Variants in PBX1 observed in about 807,000 individuals in gnomAD.
PBX1 encodes the protein pre-B-cell leukemia transcription factor 1.
A neutral mutation model predicts 53.4 loss-of-function variants in PBX1; 6 were observed. The ratio of observed to expected loss-of-function variants is 0.11; its 90% CI spans 0.06 to 0.22. PBX1 has a LOEUF of 0.22. Among genes scored for constraint, PBX1 ranks in the 10% least tolerant of loss-of-function variants. The pLI is 1.00. For missense variants in PBX1, 251 were observed against 551.4 expected (o/e 0.46, Z 5.46); for synonymous variants, 204 against 212.3 (o/e 0.96, Z 0.34).
At chr1:164,588,044 G>A (rs1388193368) in intron 2 of PBX1, among the ~76,000 whole-genome samples, 1 of 152,194 alleles carries the variant, frequency 6.6e-6, no homozygotes, top group African/African-American at 2.4e-5. Flanking sequence ...AGAGTCTGGG[G>A]CAAAGACCAA....
intron 2 of PBX1, among the ~76,000 whole-genome samples, chr1:164,676,816 G>T (rs1182604163): frequency 6.6e-6 from 1 of 152,116 alleles, no homozygotes; most frequent in African/African-American, 2.4e-5. Flanking sequence ...GCCCTGAGGG[G>T]GCTCAGGTCT....
intron 2 of PBX1, among the ~76,000 whole-genome samples, chr1:164,616,713 A>G (rs1179785055): frequency 3.3e-5 from 5 of 152,212 alleles, no homozygotes; most frequent in East Asian, 1.9e-4. Flanking sequence ...TCCCAATGCT[A>G]ACTTCAGAGG....
intron 1 of PBX1, chr1:164,560,568 A>C: frequency 5.7e-6 from 1 of 176,236 alleles, no homozygotes. Context: ...CCTACCCAAA[A>C]TACAAAACAA....
At chr1:164,690,200 C>T (rs754537014) in intron 2 of PBX1, among the ~76,000 whole-genome samples, 3 of 152,148 alleles carry the variant, frequency 2.0e-5, no homozygotes, top group Non-Finnish European at 4.4e-5. Context: ...TTTTCATTAT[C>T]TCTGCCACAT....
At chr1:164,561,049 G>T (rs761019646) in intron 1 of PBX1, among the ~76,000 whole-genome samples, 1 of 152,096 alleles carries the variant, frequency 6.6e-6, no homozygotes, top group Admixed American at 6.6e-5. Context: ...GTGACAACCC[G>T]CTAACAGCTT....
intron 2 of PBX1, among the ~76,000 whole-genome samples, chr1:164,622,188 T>C (rs891604896): frequency 1.4e-4 from 21 of 152,134 alleles, no homozygotes; most frequent in African/African-American, 5.1e-4. Context: ...AGGCGTCTTG[T>C]TGGAAGGAGC....
intron 2 of PBX1, among the ~76,000 whole-genome samples, chr1:164,778,569 C>T (rs1045153237): frequency 4.7e-5 from 7 of 149,996 alleles, no homozygotes; most frequent in Non-Finnish European, 1.0e-4. Context: ...CGTGGGAGGT[C>T]GAGGCTGCAA....
chr1:164,658,166 CAAA>C lies in PBX1; in HGVS notation c.265+94868_265+94870del, dbSNP rs5778403. On this transcript the variant is annotated intron_variant, in intron 2 of 8. Coordinates refer to ENST00000420696, the MANE Select transcript of PBX1 (RefSeq NM_002585.4). ...TATTTCACAAATAATAAATGAGGTA[CAAA>C]AAAAAAAAAAAAGAAAGACTGGAAT... Among the ~76,000 whole-genome samples, 1,119 of 138,428 alleles carry C rather than the reference CAAA, an allele frequency of 8.1e-3. 14 individuals are homozygous for C. Among genetic ancestry groups the C allele is most frequent in the African/African-American group, 0.027 (1,002 of 37,748 alleles). The allele number at this position is 138,428 out of a possible 152,430, so 90.8% of individuals were successfully genotyped here.
chr1:164,860,152 G>T (rs1571538432), intron 2 of PBX1, among the ~76,000 whole-genome samples: 1 of 152,186 alleles, frequency 6.6e-6, no homozygotes, highest in Non-Finnish European at 1.5e-5. Context: ...ACACCCAGAA[G>T]CAGTGGTGAT....
At chr1:164,746,504 G>T (rs1665901275) in intron 2 of PBX1, among the ~76,000 whole-genome samples, 1 of 152,120 alleles carries the variant, frequency 6.6e-6, no homozygotes, top group South Asian at 2.1e-4. Flanking sequence ...AGCCTCTCGA[G>T]TAGCTGGGAT....
At chr1:164,871,089 G>C (rs138373978) in intron 2 of PBX1, among the ~76,000 whole-genome samples, 213 of 152,350 alleles carry the variant, frequency 1.4e-3, no homozygotes, top group African/African-American at 5.0e-3. Context: ...CAGAGGGGAA[G>C]GATCAGACAG....
intron 2 of PBX1, among the ~76,000 whole-genome samples, chr1:164,754,503 G>A (rs1666400633): frequency 6.6e-6 from 1 of 152,202 alleles, no homozygotes; most frequent in African/African-American, 2.4e-5. Flanking sequence ...AAGAGTGACT[G>A]GTTTGTTTCA....
chr1:164,883,988 A>T (rs1160017167), intron 2 of PBX1, among the ~76,000 whole-genome samples: 2 of 152,296 alleles, frequency 1.3e-5, no homozygotes, highest in East Asian at 3.9e-4. Context: ...GTGGAGGTAG[A>T]TAAACAAGGG....
At chr1:164,698,669 CCCAAAAGCCA>C (rs1253557671) in intron 2 of PBX1, among the ~76,000 whole-genome samples, 1 of 152,102 alleles carries the variant, frequency 6.6e-6, no homozygotes, top group African/African-American at 2.4e-5. Context: ...CATCAGAGCG[CCCAAAAGCCA>C]CCACTCAAGA....
chr1:164,773,676 C>G (rs1401316570), intron 2 of PBX1, among the ~76,000 whole-genome samples: 1 of 152,146 alleles, frequency 6.6e-6, no homozygotes, highest in African/African-American at 2.4e-5. Context: ...CTCAACCGTA[C>G]CCCACACTGC....
chr1:164,605,859 T>A (rs1390144380), intron 2 of PBX1, among the ~76,000 whole-genome samples: 1 of 152,188 alleles, frequency 6.6e-6, no homozygotes, highest in Admixed American at 6.5e-5. Flanking sequence ...TGATGGTGCC[T>A]CTTTGTGGAA....
chr1:164,740,750 G>A (rs898410980), intron 2 of PBX1, among the ~76,000 whole-genome samples: 6 of 152,132 alleles, frequency 3.9e-5, no homozygotes, highest in Non-Finnish European at 8.8e-5. Flanking sequence ...CTTGCAGTTG[G>A]TGTAGAAGAC....
chr1:164,703,822 C>G (rs1663271480), intron 2 of PBX1, among the ~76,000 whole-genome samples: 1 of 152,198 alleles, frequency 6.6e-6, no homozygotes, highest in South Asian at 2.1e-4. Context: ...AGTCCCTTCT[C>G]CACACATCCA....
chr1:164,796,526 T>C (rs920003874), intron 3 of PBX1, among the ~76,000 whole-genome samples: 2 of 152,164 alleles, frequency 1.3e-5, no homozygotes, highest in Admixed American at 6.5e-5. Context: ...AGCCCTAAGA[T>C]CCCAGTTACT....
Sources: gnomAD v4.1 joint callset for allele counts (sites outside exome capture counted in the v4.1 genomes callset) on GRCh38, gnomAD v4.1.1 for gene constraint, MANE v1.5 for transcripts, NCBI Gene and HGNC (gene_info 2026-07-23, HGNC 2026-07-21) for gene names.